Variants in BAZ1B observed in about 807,000 individuals in gnomAD.
The protein encoded by BAZ1B is tyrosine-protein kinase BAZ1B.
Under a neutral mutation model 153.8 loss-of-function variants are expected in BAZ1B, and 22 were observed. The observed-to-expected ratio is 0.14, with a 90% CI of 0.10 to 0.20. The LOEUF is 0.20. BAZ1B is among the 10% of genes least tolerant of loss of function. The pLI is 1.00. For synonymous variants in BAZ1B, 676 were observed against 633.4 expected, an observed-to-expected ratio of 1.07 and a Z score of -1.01; for missense variants, 1,325 against 1,799.3, an observed-to-expected ratio of 0.74 and a Z score of 4.77.
Position 73,518,895 on chromosome 7 carries a change from A to T in BAZ1B, c.107+2932T>A, listed in dbSNP as rs1214907401. Among the ~76,000 whole-genome samples the T allele has an allele frequency of 2.6e-5, 4 of 152,194 alleles. No individual in the cohort carries two copies. In the South Asian group the frequency reaches 6.2e-4, roughly 24 times the overall value. On this transcript the variant is annotated intron_variant, in intron 1 of 19. Coordinates refer to ENST00000339594, the MANE Select transcript of BAZ1B (RefSeq NM_032408.4). ...TTGAAGTAACACAACAAAAATACTC[A>T]TCTACAACACGCTGCTTGTAGCTCC...
At chr7:73,444,762 C>A (rs1025658502) in intron 16 of BAZ1B, among the ~76,000 whole-genome samples, 1 of 152,202 alleles carries the variant, frequency 6.6e-6, no homozygotes, top group Non-Finnish European at 1.5e-5. Flanking sequence ...CACATGTAAT[C>A]CCACCACTTT....
intron 9 of BAZ1B, among the ~76,000 whole-genome samples, chr7:73,467,991 G>A (rs988757076): frequency 7.9e-5 from 12 of 152,112 alleles, no homozygotes; most frequent in Admixed American, 3.3e-4. Flanking sequence ...TTTATTTGAA[G>A]GAATGTTTAT....
At chr7:73,458,926 A>G (rs1583894790) in intron 13 of BAZ1B, among the ~76,000 whole-genome samples, 1 of 152,292 alleles carries the variant, frequency 6.6e-6, no homozygotes, top group Middle Eastern at 3.4e-3. Flanking sequence ...AATGTGTTTA[A>G]AAGTCACCAC....
intron 13 of BAZ1B, among the ~76,000 whole-genome samples, chr7:73,456,087 A>G (rs1287219763): frequency 6.6e-6 from 1 of 152,232 alleles, no homozygotes; most frequent in Non-Finnish European, 1.5e-5. Flanking sequence ...ATAAAAAGTG[A>G]GGAAACTGGG....
At chr7:73,513,049 G>T (rs1441255052) in intron 1 of BAZ1B, among the ~76,000 whole-genome samples, 1 of 152,096 alleles carries the variant, frequency 6.6e-6, no homozygotes, top group Non-Finnish European at 1.5e-5. Context: ...TGACCTCCTG[G>T]GGTCAAGCAA....
At position 73,471,423 on chromosome 7, in the gene BAZ1B, G is replaced by A. The variant is rs181356929; in HGVS notation, c.2594-940C>T. ...AAATTTCCCTCAACAAAAGCAGCCCGCTAATTTTGTTAAGTTTTTCCATAA... is the reference window on the plus strand; with the variant it reads ...AAATTTCCCTCAACAAAAGCAGCCCACTAATTTTGTTAAGTTTTTCCATAA... On this transcript the variant is annotated intron_variant, in intron 7 of 19. Transcript: ENST00000339594. Among the ~76,000 whole-genome samples, 36 of 152,214 alleles carry A rather than the reference G, an allele frequency of 2.4e-4. 1 individual carries two copies. The East Asian group carries it at 5.4e-3, about 23-fold the overall frequency.
chr7:73,470,560 T>C (rs1788763858), intron 7 of BAZ1B, 77 bp from the exon 8 acceptor site: 7 of 1,527,884 alleles, frequency 4.6e-6, no homozygotes, highest in African/African-American at 1.4e-5. Context: ...AAATATGGAG[T>C]AAAAAGTGCC....
intron 3 of BAZ1B, among the ~76,000 whole-genome samples, chr7:73,503,796 T>C (rs1790229301): frequency 6.6e-6 from 1 of 152,230 alleles, no homozygotes; most frequent in African/African-American, 2.4e-5. Flanking sequence ...GGCTGACCTT[T>C]ACAGCCTCCA....
intron 2 of BAZ1B, among the ~76,000 whole-genome samples, chr7:73,509,673 C>T (rs1227538231): frequency 6.6e-6 from 1 of 151,996 alleles, no homozygotes; most frequent in Non-Finnish European, 1.5e-5. Flanking sequence ...CACTGCACTC[C>T]ACCCTGGGCA....
intron 12 of BAZ1B, among the ~76,000 whole-genome samples, chr7:73,462,095 G>C (rs187654113): frequency 3.1e-4 from 47 of 152,288 alleles, no homozygotes; most frequent in Admixed American, 3.0e-3. Flanking sequence ...AAATCAGCCA[G>C]GCATGGTTGC....
intron 9 of BAZ1B, among the ~76,000 whole-genome samples, chr7:73,467,943 C>T (rs189631651): frequency 6.6e-6 from 1 of 151,994 alleles, no homozygotes; most frequent in Non-Finnish European, 1.5e-5. Flanking sequence ...AATCTATGCT[C>T]GATATAATTC....
intron 15 of BAZ1B, among the ~76,000 whole-genome samples, chr7:73,448,529 A>T (rs1356627494): frequency 6.6e-6 from 1 of 152,206 alleles, no homozygotes; most frequent in Non-Finnish European, 1.5e-5. Context: ...CAGAGACAAG[A>T]TCCATGCACC....
intron 7 of BAZ1B, among the ~76,000 whole-genome samples, chr7:73,473,084 G>C (rs1460064556): frequency 1.3e-5 from 2 of 152,118 alleles, no homozygotes; most frequent in Admixed American, 1.3e-4. Context: ...TGGGATTACA[G>C]GCATGCGCCA....
Position 73,489,105 on chromosome 7 carries a change from C to T in BAZ1B, c.891+89G>A. ...TAATTCATTATCTGATGTTAGAGTT[C>T]AAAACCTGCTATAAATATAAATATA... On this transcript the variant is annotated intron_variant, in intron 6 of 19. Coordinates refer to ENST00000339594, the MANE Select transcript of BAZ1B (RefSeq NM_032408.4). The T allele has an allele frequency of 3.7e-6, 5 of 1,361,896 alleles. No homozygotes were observed. In the South Asian group the frequency reaches 5.4e-5, roughly 15 times the overall value. 84.4% of individuals were successfully genotyped at this position (1,361,896 alleles called of 1,614,324 possible).
rs1788000484 is a variant in BAZ1B at position 73,450,656 on chromosome 7, A to C, written c.3580+191T>G. 6.6e-6 allele frequency among the ~76,000 whole-genome samples: 1 copy of C among 152,168 alleles called. No individual in the cohort carries two copies. The highest frequency in any genetic ancestry group is 2.4e-5 in the African/African-American group (1 of 41,438). ...TTTATGTTATGCTCTAAACCGAGGAACAAAGGGCCTGCTCTGATTCCCTGG... is the reference window on the plus strand; with the variant it reads ...TTTATGTTATGCTCTAAACCGAGGACCAAAGGGCCTGCTCTGATTCCCTGG... On this transcript the variant is annotated intron_variant, in intron 14 of 19. Transcript: ENST00000339594. The surrounding 1 kb of genome is among the most constrained non-coding windows in gnomAD (Gnocchi z 4.1).
At chr7:73,452,683 C>T (rs1402699280) in intron 13 of BAZ1B, among the ~76,000 whole-genome samples, 3 of 149,464 alleles carry the variant, frequency 2.0e-5, no homozygotes, top group Admixed American at 6.7e-5. Context: ...GATTGCACCA[C>T]TGCACTCCAG....
intron 13 of BAZ1B, among the ~76,000 whole-genome samples, chr7:73,453,687 T>C (rs1432752882): frequency 6.6e-6 from 1 of 152,184 alleles, no homozygotes; most frequent in Non-Finnish European, 1.5e-5. Context: ...TACACAGTCA[T>C]TTAAAAGGAA....
intron 13 of BAZ1B, 132 bp downstream of exon 13, chr7:73,459,400 AAAAC>A: frequency 1.2e-5 from 11 of 895,624 alleles, no homozygotes; most frequent in African/African-American, 3.4e-5. Flanking sequence ...AAAAAAAAAA[AAAAC>A]ACACACACAC....
chr7:73,492,225 T>A (rs542480983), intron 5 of BAZ1B, among the ~76,000 whole-genome samples: 1 of 150,834 alleles, frequency 6.6e-6, no homozygotes, highest in East Asian at 2.0e-4. Context: ...TGCAGTGGCG[T>A]GATCTCCACT....
Sources: allele counts gnomAD v4.1 joint callset (sites outside exome capture counted in the v4.1 genomes callset), GRCh38; gene constraint gnomAD v4.1.1; non-coding constraint Gnocchi (gnomAD v3.1); transcripts MANE v1.5; gene names NCBI Gene and HGNC (gene_info 2026-07-23, HGNC 2026-07-21).